The following ATXN1 variants were observed in gnomAD, a reference collection of about 807,000 sequenced individuals.
ATXN1 encodes the protein ataxin-1.
A neutral mutation model predicts 56.4 loss-of-function variants in ATXN1; 8 were observed. That is an observed-to-expected ratio of 0.14 (90% CI 0.08 to 0.26). The LOEUF (loss-of-function observed/expected upper bound fraction) is 0.26. Among genes scored for constraint, ATXN1 ranks in the 10% least tolerant of loss-of-function variants. The probability of loss-of-function intolerance (pLI) is 1.00; values close to 1 mark genes in which losing one functional copy is unlikely to be tolerated. For missense variants in ATXN1, 987 were observed against 1,106.5 expected (o/e 0.89, Z 1.53); for synonymous variants, 514 against 494.6 (o/e 1.04, Z -0.52).
chr6:16,759,141 CAAGT>C (rs906465531), intron 1 of ATXN1, among the ~76,000 whole-genome samples: 1 of 152,216 alleles, frequency 6.6e-6, no homozygotes, highest in Admixed American at 6.5e-5. Context: ...TAAAAATAAC[CAAGT>C]AACTACCCAC....
chr6:16,480,308 T>C (rs966066915), intron 6 of ATXN1, among the ~76,000 whole-genome samples: 10 of 152,182 alleles, frequency 6.6e-5, no homozygotes, highest in Admixed American at 4.6e-4. Flanking sequence ...AGCTCTCACA[T>C]GCCCAGACAC....
At chr6:16,517,584 G>C (rs1761207766) in intron 5 of ATXN1, among the ~76,000 whole-genome samples, 1 of 152,072 alleles carries the variant, frequency 6.6e-6, no homozygotes, top group African/African-American at 2.4e-5. Flanking sequence ...ATGATTAACA[G>C]GTTCCCCAGT....
intron 6 of ATXN1, among the ~76,000 whole-genome samples, chr6:16,484,038 T>C (rs1236282923): frequency 1.3e-5 from 2 of 152,172 alleles, no homozygotes; most frequent in Non-Finnish European, 2.9e-5. Flanking sequence ...TGACAGAAAC[T>C]TTTACAATAA....
chr6:16,310,390 A>G lies in ATXN1; in HGVS notation c.1918-3531T>C, dbSNP rs191557442. On this transcript the variant is annotated intron_variant, in intron 7 of 7. Transcript: ENST00000436367. ...AAAACAAATCTAGATTGAAGTTTGT[A>G]CAGGGAGGAATGAAGAGGAATGAAA... 2.3e-3 allele frequency among the ~76,000 whole-genome samples: 344 copies of G among 152,366 alleles called. 2 individuals are homozygous for G. The highest frequency in any genetic ancestry group is 0.014 in the Middle Eastern group (4 of 294).
chr6:16,451,807 T>C (rs1759759515), intron 6 of ATXN1, among the ~76,000 whole-genome samples: 1 of 151,498 alleles, frequency 6.6e-6, no homozygotes, highest in South Asian at 2.1e-4. Flanking sequence ...GTGGAGTTTG[T>C]AATTAGAGTT....
intron 7 of ATXN1, among the ~76,000 whole-genome samples, chr6:16,320,076 T>C (rs541730001): frequency 2.6e-5 from 4 of 152,276 alleles, no homozygotes; most frequent in African/African-American, 9.6e-5. Flanking sequence ...GCATGTTCAA[T>C]GTTGGCAAGT....
At chr6:16,333,484 G>T (rs1467433877) in intron 6 of ATXN1, among the ~76,000 whole-genome samples, 9 of 152,192 alleles carry the variant, frequency 5.9e-5, no homozygotes, top group Admixed American at 3.3e-4. Context: ...GCTCAGAATG[G>T]AAGATGCTCT....
chr6:16,419,765 G>A (rs13214776), intron 6 of ATXN1, among the ~76,000 whole-genome samples: 1 of 152,198 alleles, frequency 6.6e-6, no homozygotes, highest in African/African-American at 2.4e-5. Context: ...CTAGGGGAAT[G>A]TGTGGTGAGG....
intron 3 of ATXN1, among the ~76,000 whole-genome samples, chr6:16,586,377 G>A (rs748971832): frequency 5.3e-5 from 8 of 152,018 alleles, no homozygotes; most frequent in Non-Finnish European, 1.0e-4. Context: ...TTACCATTCC[G>A]GCCTCACTTT....
intron 6 of ATXN1, among the ~76,000 whole-genome samples, chr6:16,366,589 T>G (rs570993658): frequency 2.6e-5 from 4 of 152,174 alleles, no homozygotes; most frequent in African/African-American, 9.6e-5. Flanking sequence ...GAGACCAGAC[T>G]AGCCAACATA....
At chr6:16,605,001 A>G (rs935369248) in intron 3 of ATXN1, among the ~76,000 whole-genome samples, 2 of 152,256 alleles carry the variant, frequency 1.3e-5, no homozygotes, top group Admixed American at 6.5e-5. Flanking sequence ...GGTGCATATC[A>G]TAACAAGAGA....
At chr6:16,382,879 G>A (rs1263419289) in intron 6 of ATXN1, among the ~76,000 whole-genome samples, 1 of 148,210 alleles carries the variant, frequency 6.7e-6, no homozygotes, top group African/African-American at 2.5e-5. Context: ...TCCTGGGAAG[G>A]CCTGGATGGC....
chr6:16,447,130 C>T (rs1759652241), intron 6 of ATXN1, among the ~76,000 whole-genome samples: 1 of 152,104 alleles, frequency 6.6e-6, no homozygotes, highest in Non-Finnish European at 1.5e-5. Flanking sequence ...GACTCAGTTT[C>T]CCTGGAAAGT....
At position 16,710,336 on chromosome 6, in the gene ATXN1, T is replaced by C. The variant is rs1044732458; in HGVS notation, c.-615+42897A>G. On this transcript the variant is annotated intron_variant, in intron 2 of 7. Transcript: ENST00000436367. ...GAGAAAGATATACCGTGTTTTTGAA[T>C]TGAAGTTTCAATATTGTTAAGGTGA... 2.0e-5 allele frequency among the ~76,000 whole-genome samples: 3 copies of C among 152,226 alleles called. No homozygotes were observed. In the East Asian group the frequency reaches 5.8e-4, roughly 29 times the overall value.
chr6:16,467,988 GTTGTAAC>G (rs1284710898), intron 6 of ATXN1, among the ~76,000 whole-genome samples: 1 of 152,092 alleles, frequency 6.6e-6, no homozygotes, highest in Non-Finnish European at 1.5e-5. Context: ...CATCGAATAT[GTTGTAAC>G]TTGTTTACCT....
At chr6:16,702,814 T>C (rs1331258774) in intron 2 of ATXN1, among the ~76,000 whole-genome samples, 1 of 152,140 alleles carries the variant, frequency 6.6e-6, no homozygotes, top group African/African-American at 2.4e-5. Context: ...TGGCAATCAT[T>C]AAAAAGTCAG....
At chr6:16,679,372 GTGGATGGATGGATGGATGGA>G (rs10618388) in intron 2 of ATXN1, among the ~76,000 whole-genome samples, 5 of 144,260 alleles carry the variant, frequency 3.5e-5, no homozygotes, top group South Asian at 4.5e-4. Context: ...AGGTGGGTGG[GTGGATGGATGGATGGATGGA>G]TGGATGGATG....
chr6:16,315,728 T>C (rs1760492941), intron 7 of ATXN1, among the ~76,000 whole-genome samples: 1 of 152,148 alleles, frequency 6.6e-6, no homozygotes, highest in African/African-American at 2.4e-5. Flanking sequence ...AGTAGCATGA[T>C]CATGGCTCAC....
At chr6:16,718,028 A>G (rs1466692936) in intron 2 of ATXN1, among the ~76,000 whole-genome samples, 2 of 152,262 alleles carry the variant, frequency 1.3e-5, no homozygotes, top group African/African-American at 2.4e-5. Flanking sequence ...AACCAGAGGA[A>G]AGTAAATAAG....
Sources: allele counts gnomAD v4.1 joint callset (sites outside exome capture counted in the v4.1 genomes callset), GRCh38; gene constraint gnomAD v4.1.1; transcripts MANE v1.5; gene names NCBI Gene and HGNC (gene_info 2026-07-23, HGNC 2026-07-21).